PDE4D: variants seen among roughly 807,000 people sequenced by gnomAD.
PDE4D encodes the protein 3',5'-cyclic-AMP phosphodiesterase 4D.
PDE4D carries 24 observed loss-of-function variants against 87.4 expected under a neutral mutation model. The ratio of observed to expected loss-of-function variants is 0.27; its 90% confidence interval spans 0.20 to 0.39. The LOEUF is 0.39. PDE4D is among the 10% of genes least tolerant of loss of function. The pLI is 1.00. For synonymous variants in PDE4D, 384 were observed against 383.2 expected (o/e 1.00, Z -0.02); for missense variants, 714 against 1,041.0 (o/e 0.69, Z 4.32).
chr5:60,337,257 CG>C (rs1409629911), intron 1 of PDE4D, among the ~76,000 whole-genome samples: 2 of 149,236 alleles, frequency 1.3e-5, no homozygotes, highest in East Asian at 2.0e-4. Flanking sequence ...CACTTGAACC[CG>C]GGGGGTAGAG....
intron 1 of PDE4D, among the ~76,000 whole-genome samples, chr5:59,554,856 T>C (rs960972828): frequency 9.9e-5 from 15 of 152,270 alleles, no homozygotes; most frequent in Admixed American, 7.9e-4. Context: ...AAAGAGTTAA[T>C]AATCATCTGA....
chr5:59,713,011 T>C (rs1754440842), intron 1 of PDE4D, among the ~76,000 whole-genome samples: 1 of 152,198 alleles, frequency 6.6e-6, no homozygotes, highest in African/African-American at 2.4e-5. Context: ...ATGGATATCA[T>C]CATTCTGAGG....
At chr5:59,253,006 A>G (rs1366252736) in intron 1 of PDE4D, among the ~76,000 whole-genome samples, 1 of 152,170 alleles carries the variant, frequency 6.6e-6, no homozygotes, top group Non-Finnish European at 1.5e-5. Flanking sequence ...TAGCATTGCA[A>G]TTAGATCATC....
chr5:59,774,886 G>A (rs1036523101), intron 1 of PDE4D, among the ~76,000 whole-genome samples: 1 of 151,746 alleles, frequency 6.6e-6, no homozygotes, highest in African/African-American at 2.4e-5. Flanking sequence ...GTAGAGACAG[G>A]GTTTCACCAC....
At chr5:59,172,346 TTATA>T (rs1427464493) in intron 5 of PDE4D, among the ~76,000 whole-genome samples, 1 of 134,272 alleles carries the variant, frequency 7.4e-6, no homozygotes, top group African/African-American at 2.8e-5. Context: ...ATATTATATA[TTATA>T]TATTTTGTAT....
intron 1 of PDE4D, among the ~76,000 whole-genome samples, chr5:60,280,626 T>A (rs1161957802): frequency 6.6e-6 from 1 of 151,948 alleles, no homozygotes; most frequent in African/African-American, 2.4e-5. Flanking sequence ...GGCCTCAGGT[T>A]CATATAACCA....
At chr5:59,472,081 C>CA (rs1562247883) in intron 1 of PDE4D, among the ~76,000 whole-genome samples, 1 of 151,884 alleles carries the variant, frequency 6.6e-6, no homozygotes, top group Non-Finnish European at 1.5e-5. Flanking sequence ...CCAATTTATG[C>CA]AAAAAGAGAA....
chr5:59,983,985 A>G (rs1420740128), intron 3 of PDE4D, among the ~76,000 whole-genome samples: 1 of 152,220 alleles, frequency 6.6e-6, no homozygotes, highest in African/African-American at 2.4e-5. Flanking sequence ...TAAATACATT[A>G]TGCTATATTT....
At chr5:59,584,775 C>A (rs1561266734) in intron 1 of PDE4D, among the ~76,000 whole-genome samples, 1 of 152,130 alleles carries the variant, frequency 6.6e-6, no homozygotes, top group Admixed American at 6.5e-5. Context: ...GCAAGGTACA[C>A]TTGATAGAAA....
chr5:60,395,596 A>T (rs1186982630), intron 1 of PDE4D, among the ~76,000 whole-genome samples: 1 of 152,178 alleles, frequency 6.6e-6, no homozygotes. Context: ...CTAGAAGTAA[A>T]TGTAATAAGT....
At chr5:60,468,435 A>G (rs958634132) in intron 1 of PDE4D, among the ~76,000 whole-genome samples, 5 of 151,688 alleles carry the variant, frequency 3.3e-5, no homozygotes, top group African/African-American at 7.3e-5. Context: ...CACCATGCCC[A>G]GTCTACATCC....
At chr5:59,660,097 A>G (rs1299048434) in intron 1 of PDE4D, among the ~76,000 whole-genome samples, 3 of 152,070 alleles carry the variant, frequency 2.0e-5, no homozygotes, top group Non-Finnish European at 4.4e-5. Flanking sequence ...AGGTACAAGA[A>G]TCACTTGAAC....
chr5:59,792,747 A>G lies in PDE4D; in HGVS notation c.455+100421T>C, dbSNP rs182955285. ...AAGAAGATGGGTTTGGCATCATGTA[A>G]ACTAATTGACTGGGGAAGAAACAGA... On this transcript the variant is annotated intron_variant, in intron 1 of 14. Transcript: ENST00000340635. 4.5e-4 allele frequency among the ~76,000 whole-genome samples: 68 copies of G among 152,286 alleles called. 1 individual carries two copies. In the East Asian group the frequency reaches 0.012, roughly 27 times the overall value.
chr5:60,257,186 AAAAG>A lies in PDE4D; in HGVS notation c.-89-71503_-89-71500del, dbSNP rs199523254. On this transcript the variant is annotated intron_variant, in intron 1 of 16. Transcript: ENST00000502484. ...AAGTTATTATAGAGTCAAAGAAAGA[AAAAG>A]AAAGAAAGAAAGAATGAATGAAAGA... 2.6e-3 allele frequency among the ~76,000 whole-genome samples: 390 copies of A among 148,058 alleles called. 2 individuals carry two copies. The highest frequency in any genetic ancestry group is 8.4e-3 in the African/African-American group (330 of 39,112).
intron 1 of PDE4D, among the ~76,000 whole-genome samples, chr5:59,232,511 CA>C (rs34024693): frequency 0.012 from 1,687 of 141,786 alleles, 10 homozygotes; most frequent in Non-Finnish European, 0.017. Context: ...ATTAAAAGAC[CA>C]AAAAAAAAAA....
Position 60,317,551 on chromosome 5 carries a change from G to C in PDE4D, c.-89-131864C>G, listed in dbSNP as rs894021497. On this transcript the variant is annotated intron_variant, in intron 1 of 16. Transcript: ENST00000502484. ...CTAGCTTTTGAATGTGTTTGCTCTT[G>C]CTTCTCTAGTTCTTTTAATTGTGAT... is the stretch of plus-strand genomic sequence containing the variant. 9.2e-5 allele frequency among the ~76,000 whole-genome samples: 14 copies of C among 152,030 alleles called. 1 individual carries two copies. Among genetic ancestry groups the C allele is most frequent in the Admixed American group, 7.9e-4 (12 of 15,270 alleles).
chr5:59,407,047 TG>T (rs1279564275), intron 1 of PDE4D, among the ~76,000 whole-genome samples: 1 of 152,212 alleles, frequency 6.6e-6, no homozygotes, highest in Non-Finnish European at 1.5e-5. Context: ...TGTAGAGTCT[TG>T]GGGTTCATTA....
In PDE4D at chr5:60,251,264, G is replaced by A. The variant is rs549264132; in HGVS notation, c.-89-65577C>T. Among the ~76,000 whole-genome samples, 6 of 151,580 alleles carry A rather than the reference G, an allele frequency of 4.0e-5. No individual in the cohort carries two copies. The South Asian group carries it at 1.2e-3, about 32-fold the overall frequency. On this transcript the variant is annotated intron_variant, in intron 1 of 16. Coordinates refer to the PDE4D transcript ENST00000502484. ...CATGTGCAGGTTTGTTATATAAGTA[G>A]ACTCATGTCATGGGGGTTTGGTGTA...
intron 10 of PDE4D, 67 bp downstream of exon 10, chr5:58,989,688 G>A: frequency 2.1e-6 from 2 of 959,764 alleles, no homozygotes; most frequent in Non-Finnish European, 1.5e-6. Context: ...AAACCCTTCA[G>A]ATAAAAGTTT....
Sources: gnomAD v4.1 joint callset for allele counts (sites outside exome capture counted in the v4.1 genomes callset) on GRCh38, gnomAD v4.1.1 for gene constraint, MANE v1.5 for transcripts, NCBI Gene and HGNC (gene_info 2026-07-23, HGNC 2026-07-21) for gene names.